Variants in PSAPL1 observed in about 807,000 individuals in gnomAD.
PSAPL1 encodes the protein proactivator polypeptide-like 1.
For synonymous variants in PSAPL1, 351 were observed against 291.6 expected, an observed-to-expected ratio of 1.20 and a Z score of -2.08; for missense variants, 814 against 688.8, an observed-to-expected ratio of 1.18 and a Z score of -2.03.
chr4:7,434,907 G>A lies in PSAPL1; in HGVS notation c.-28C>T. Reference sequence around the variant, plus strand: ...TGCCCAGGGACTCTCTGGCTCCAGAGTACCCAGCAGTGGCTGCTGCTATAA... The same window carrying A: ...TGCCCAGGGACTCTCTGGCTCCAGAATACCCAGCAGTGGCTGCTGCTATAA... On this transcript the variant is annotated 5_prime_UTR_variant, in exon 1 of 1. Transcript: ENST00000319098. The A allele has an allele frequency of 1.3e-6, 2 of 1,504,936 alleles. No individual in the cohort carries two copies. The highest frequency in any genetic ancestry group is 1.8e-6 in the Non-Finnish European group (2 of 1,127,348). 93.2% of individuals were successfully genotyped at this position (1,504,936 alleles called of 1,614,324 possible). A position where few individuals can be genotyped will look rare whatever the true frequency, so the allele number is the denominator to read the frequency against.
the PSAPL1 span, chr4:7,434,138 AGAGCTCCTGCGGG>A: frequency 6.2e-7 from 1 of 1,613,710 alleles, no homozygotes; most frequent in South Asian, 1.1e-5. Context: ...CCCTTCCTGC[AGAGCTCCTGCGGG>A]GGGAGAAGCC....
At position 7,433,556 on chromosome 4, in the gene PSAPL1, C is replaced by T. The variant is rs199523405; in HGVS notation, c.1324G>A (p.Val442Ile). Residue 442 changes from valine to isoleucine, a missense_variant, in exon 1 of 1, where the codon GTC becomes ATC. Coordinates refer to ENST00000319098, the MANE Select transcript of PSAPL1 (RefSeq NM_001085382.2). ...LPYMIQCKHFVTQYEPVLIES... is the reference protein window; with the variant it reads ...LPYMIQCKHFITQYEPVLIES... ...ATGAGCACGGGCTCGTACTGGGTGA[C>T]GAAGTGCTTGCACTGGATCATATAG... The T allele has an allele frequency of 5.9e-4, 945 of 1,611,104 alleles. 4 individuals are homozygous for T. The highest frequency in any genetic ancestry group is 6.7e-4 in the Non-Finnish European group (792 of 1,179,030).
rs1240275633 is a variant in PSAPL1 at position 7,433,803 on chromosome 4, C to T, written c.1077G>A (p.Val359=). ...QLVAKITPEK[V]CKFIRLCGNR... Reference sequence around the variant, plus strand: ...TGCCACACAGACGGATGAACTTGCACACCTTCTCTGGGGTGATTTTGGCCA... The same window carrying T: ...TGCCACACAGACGGATGAACTTGCATACCTTCTCTGGGGTGATTTTGGCCA... Residue 359 remains valine, a synonymous_variant, in exon 1 of 1, where the codon GTG becomes GTA. Coordinates refer to ENST00000319098, the MANE Select transcript of PSAPL1 (RefSeq NM_001085382.2). 5 of 1,613,612 alleles carry T rather than the reference C, an allele frequency of 3.1e-6. No homozygotes were observed. Among genetic ancestry groups the T allele is most frequent in the African/African-American group, 2.7e-5 (2 of 74,934 alleles).
In PSAPL1 at chr4:7,433,246, A is replaced by C. The variant is rs566624975; in HGVS notation, c.*68T>G. 1.5e-6 allele frequency: 2 copies of C among 1,311,658 alleles called. No homozygotes were observed. Among genetic ancestry groups the C allele is most frequent in the African/African-American group, 3.0e-5 (2 of 66,260 alleles). The allele number at this position is 1,311,658 out of a possible 1,614,324, so 81.3% of individuals were successfully genotyped here. On this transcript the variant is annotated 3_prime_UTR_variant, in exon 1 of 1. Coordinates refer to ENST00000319098, the MANE Select transcript of PSAPL1 (RefSeq NM_001085382.2). ...CAGAGCTTCAGTTTTTCATTTGTGA[A>C]ATGGGGATGGGGAAAGCACCCACCT...
At chr4:7,434,688 G>T in the PSAPL1 span, 4 of 1,612,660 alleles carry the variant, frequency 2.5e-6, no homozygotes, top group Admixed American at 1.7e-5. Context: ...GGCATACGTC[G>T]CAGGGCAGAG....
At position 7,434,190 on chromosome 4, in the gene PSAPL1, C is replaced by T. The variant is rs1727110237; in HGVS notation, c.690G>A (p.Gln230=). Residue 230 remains glutamine (Q), a synonymous_variant, in exon 1 of 1, where the codon CAG becomes CAA. Transcript: ENST00000319098. ...GTGCTTGGTCAGCAGGGACAAAAAACTGGAAGAGGTAGTTCTTGCAGAGGA... is the reference window on the plus strand; with the variant it reads ...GTGCTTGGTCAGCAGGGACAAAAAATTGGAAGAGGTAGTTCTTGCAGAGGA... ...LAVLCKNYLF[Q]FFVPADQALR... 6.2e-7 allele frequency: 1 copy of T among 1,613,786 alleles called. No homozygotes were observed. Among genetic ancestry groups the T allele is most frequent in the Middle Eastern group, 1.6e-4 (1 of 6,084 alleles).
At position 7,434,286 on chromosome 4, in the gene PSAPL1, G is replaced by C. The variant is rs1244566104; in HGVS notation, c.594C>G (p.Val198=). Residue 198 remains valine, a synonymous_variant, in exon 1 of 1, where the codon GTC becomes GTG. Transcript: ENST00000319098. ...VRQVSRLQEA[V]RSNLTLADLN... ...AGTCGGCCAAGGTCAAGTTGGACCG[G>C]ACAGCCTCCTGGAGTCGGGAGACCT... The C allele has an allele frequency of 6.2e-7, 1 of 1,612,882 alleles. No individual in the cohort carries two copies. The highest frequency in any genetic ancestry group is 1.3e-5 in the African/African-American group (1 of 75,056).
rs371026897 is a variant in PSAPL1 at position 7,433,572 on chromosome 4, G to A, written c.1308C>T (p.Ile436=). The change falls in exon 1 of 1, where the codon ATC becomes ATT. Residue 436 remains isoleucine, a synonymous_variant. Transcript: ENST00000319098. ...GCSILPLPYM[I]QCKHFVTQYE... ...ACTGGGTGACGAAGTGCTTGCACTG[G>A]ATCATATAGGGCAGCGGCAGGATGC... 3 of 1,611,784 alleles carry A rather than the reference G, an allele frequency of 1.9e-6. No individual in the cohort carries two copies. The highest frequency in any genetic ancestry group is 2.5e-6 in the Non-Finnish European group (3 of 1,179,168).
Position 7,434,064 on chromosome 4 carries a change from G to T in PSAPL1, c.816C>A (p.Val272=). 6.2e-7 allele frequency: 1 copy of T among 1,611,264 alleles called. No homozygotes were observed. Among genetic ancestry groups the T allele is most frequent in the South Asian group, 1.1e-5 (1 of 90,816 alleles). Residue 272 remains valine, a synonymous_variant, in exon 1 of 1, where the codon GTC becomes GTA. Coordinates refer to ENST00000319098, the MANE Select transcript of PSAPL1 (RefSeq NM_001085382.2). ...RLTQVVAMDG[V]PSLELGLPRK... is the part of the protein sequence containing the mutation. ...TTGGCAACCCCAGCTCCAGGGAGGG[G>T]ACCCCGTCCATGGCCACTACTTGAG...
At position 7,433,994 on chromosome 4, in the gene PSAPL1, C is replaced by T. The variant is rs6850206; in HGVS notation, c.886G>A (p.Val296Met). ...MQMKAGVTCE[V>M]CMNVVQKLDH... The stretch of plus-strand genomic sequence containing the variant: ...AGCTTCTGCACCACGTTCATGCACA[C>T]CTCACAGGTCACACCGGCCTTCATC... Residue 296 changes from valine to methionine, a missense_variant, in exon 1 of 1, where the codon GTG becomes ATG. Val to Met is a conservative substitution (Grantham distance 21). Transcript: ENST00000319098. The T allele has an allele frequency of 0.18, 288,650 of 1,613,286 alleles. 26,996 individuals are homozygous for T. Among genetic ancestry groups the T allele is most frequent in the Middle Eastern group, 0.29 (1,781 of 6,062 alleles).
At chr4:7,434,736 G>C in the PSAPL1 span, 1 of 1,613,040 alleles carries the variant, frequency 6.2e-7, no homozygotes. Flanking sequence ...CCCCTTGGCA[G>C]TACCCCACAG....
rs1211402390 is a variant in PSAPL1 at position 7,431,577 on chromosome 4, G to A, written c.*1737C>T. 2 of 152,326 alleles carry A rather than the reference G, an allele frequency of 1.3e-5. No individual in the cohort carries two copies. Among genetic ancestry groups the A allele is most frequent in the Non-Finnish European group, 2.9e-5 (2 of 68,162 alleles). 9.4% of individuals were successfully genotyped at this position (152,326 alleles called of 1,614,324 possible). ...CTCCTGGAGAGGGTGGGTGGTCTCA[G>A]GGGAAGAGGCAGATACTGAGGCCAA... On this transcript the variant is annotated 3_prime_UTR_variant, in exon 1 of 1. Transcript: ENST00000319098.
At position 7,433,080 on chromosome 4, in the gene PSAPL1, C is replaced by T. The variant is rs978837221; in HGVS notation, c.*234G>A. 46 of 371,996 alleles carry T rather than the reference C, an allele frequency of 1.2e-4. No individual in the cohort carries two copies. The highest frequency in any genetic ancestry group is 1.7e-4 in the Non-Finnish European group (36 of 213,294). The allele number at this position is 371,996 out of a possible 1,614,324, so 23.0% of individuals were successfully genotyped here. A position where few individuals can be genotyped will look rare whatever the true frequency, so the allele number is the denominator to read the frequency against. On this transcript the variant is annotated 3_prime_UTR_variant, in exon 1 of 1. Transcript: ENST00000319098. Reference sequence around the variant, plus strand: ...GGGCAGCCTTGGCTGGGTCAGGGAGCGGGGCACATGAGTGTGTTCCGGTCC... The same window carrying T: ...GGGCAGCCTTGGCTGGGTCAGGGAGTGGGGCACATGAGTGTGTTCCGGTCC...
At position 7,434,516 on chromosome 4, in the gene PSAPL1, G is replaced by A. The variant is rs773969387; in HGVS notation, c.364C>T (p.Leu122Phe). ...DAHSSAILSM[L>F]RGAPDSAPAQ... ...GGGGCACTGTCCGGGGCCCCACGGA[G>A]CATGCTCAGGATGGCCGAACTGTGG... is the stretch of plus-strand genomic sequence containing the variant. The change falls in exon 1 of 1, where the codon CTC becomes TTC. Residue 122 changes from leucine (L) to phenylalanine (F), a missense_variant. Transcript: ENST00000319098. The A allele has an allele frequency of 3.1e-6, 5 of 1,612,732 alleles. No homozygotes were observed. The South Asian group carries it at 3.3e-5, about 11-fold the overall frequency.
Position 7,433,635 on chromosome 4 carries a change from G to C in PSAPL1, c.1245C>G (p.Thr415=), listed in dbSNP as rs201852983. 2.0e-4 allele frequency: 317 copies of C among 1,610,706 alleles called. 1 individual carries two copies. In the African/African-American group the frequency reaches 3.7e-3, roughly 19 times the overall value. ...VSSHNLESKS[T]KRDILVAFKG... ...TGAAGGCCACCAGGATGTCTCGCTT[G>C]GTGCTCTTGCTCTCCAAGTTGTGGG... Residue 415 remains threonine, a synonymous_variant, in exon 1 of 1, where the codon ACC becomes ACG. Transcript: ENST00000319098.
rs1364842998 is a variant in PSAPL1 at position 7,433,358 on chromosome 4, G to A, written c.1522C>T (p.His508Tyr). Residue 508 changes from histidine (H) to tyrosine (Y), a missense_variant, in exon 1 of 1, where the codon CAT becomes TAT. Physicochemically the swap from His to Tyr is moderately conservative, Grantham distance 83 (BLOSUM62 2). Coordinates refer to ENST00000319098, the MANE Select transcript of PSAPL1 (RefSeq NM_001085382.2). ...TGGAGGTGCATCTCTTTCCATACATGCTTCTGGCAGTGTTGCACAGCGTTG... is the reference window on the plus strand; with the variant it reads ...TGGAGGTGCATCTCTTTCCATACATACTTCTGGCAGTGTTGCACAGCGTTG... ...LCNAVQHCQK[H>Y]VWKEMHLHAG... 3 of 1,440,812 alleles carry A rather than the reference G, an allele frequency of 2.1e-6. No homozygotes were observed. The highest frequency in any genetic ancestry group is 2.9e-5 in the African/African-American group (2 of 69,820). 89.3% of individuals were successfully genotyped at this position (1,440,812 alleles called of 1,614,324 possible). A position where few individuals can be genotyped will look rare whatever the true frequency, so the allele number is the denominator to read the frequency against.
rs780613090 is a variant in PSAPL1 at position 7,434,787 on chromosome 4, C to G, written c.93G>C (p.Thr31=). Residue 31 remains threonine, a synonymous_variant, in exon 1 of 1, where the codon ACG becomes ACC. Transcript: ENST00000319098. ...SGPQECAKGS[T]VWCQDLQTAA... Reference sequence around the variant, plus strand: ...CTGTCTGCAGATCCTGACACCACACCGTGGAGCCCTTTGCACACTCCTGGG... The same window carrying G: ...CTGTCTGCAGATCCTGACACCACACGGTGGAGCCCTTTGCACACTCCTGGG... 1.9e-6 allele frequency: 3 copies of G among 1,611,368 alleles called. No homozygotes were observed. The highest frequency in any genetic ancestry group is 2.5e-6 in the Non-Finnish European group (3 of 1,179,100).
chr4:7,433,624 A>T lies in PSAPL1; in HGVS notation c.1256T>A (p.Ile419Asn), dbSNP rs1204803908. The T allele has an allele frequency of 1.2e-6, 2 of 1,611,372 alleles. No individual in the cohort carries two copies. Among genetic ancestry groups the T allele is most frequent in the Non-Finnish European group, 1.7e-6 (2 of 1,178,776 alleles). ...NLESKSTKRD[I>N]LVAFKGGCSI... ...GCAGCCACCCTTGAAGGCCACCAGG[A>T]TGTCTCGCTTGGTGCTCTTGCTCTC... Residue 419 changes from isoleucine (I) to asparagine (N), a missense_variant, in exon 1 of 1, where the codon ATC (isoleucine) becomes AAC (asparagine). Transcript: ENST00000319098.
In PSAPL1 at chr4:7,434,560, C is replaced by T. The variant is rs778706411; in HGVS notation, c.320G>A (p.Cys107Tyr). 1.1e-5 allele frequency: 18 copies of T among 1,613,364 alleles called. No individual in the cohort carries two copies. The highest frequency in any genetic ancestry group is 1.4e-5 in the Non-Finnish European group (17 of 1,179,848). The part of the protein sequence containing the change: ...WLPSQESSAG[C>Y]KWMVDAHSSA... ...ACTGTGGGCATCCACCATCCACTTG[C>T]ATCCGGCTGAAGACTCCTGGCTGGG... The change falls in exon 1 of 1, where the codon TGC (cysteine) becomes TAC (tyrosine). Residue 107 changes from cysteine (C) to tyrosine (Y), a missense_variant. Cys to Tyr is a radical substitution (Grantham distance 194). Transcript: ENST00000319098.
Sources: allele counts gnomAD v4.1 joint callset, GRCh38; gene constraint gnomAD v4.1.1; transcripts MANE v1.5; gene names NCBI Gene and HGNC (gene_info 2026-07-23, HGNC 2026-07-21).